The following GPC3 variants were observed in gnomAD, a reference collection of about 807,000 sequenced individuals.
GPC3 encodes glypican-3.
A neutral mutation model predicts 34.4 loss-of-function variants in GPC3; 3 were observed. The observed-to-expected ratio is 0.09, with a 90% confidence interval of 0.04 to 0.23. The LOEUF is 0.23. Ranked by LOEUF, GPC3 falls within the 10% of genes least tolerant of loss-of-function variation. GPC3 has a pLI of 1.00. For missense variants in GPC3, 351 were observed against 445.6 expected, an observed-to-expected ratio of 0.79 and a Z score of 1.91; for synonymous variants, 177 against 174.0, an observed-to-expected ratio of 1.02 and a Z score of -0.13.
intron 7 of GPC3, among the ~76,000 whole-genome samples, chrX:133,543,816 A>G (rs111901717): frequency 8.9e-6 from 1 of 112,284 alleles, no homozygotes; most frequent in African/African-American, 3.2e-5. Context: ...TATTAGTTGC[A>G]AGCTCACTGA....
intron 3 of GPC3, among the ~76,000 whole-genome samples, chrX:133,728,256 T>C (rs921228857): frequency 2.7e-5 from 3 of 111,780 alleles, no homozygotes; most frequent in Non-Finnish European, 3.8e-5. Context: ...GATTGGCCTC[T>C]GGAGACAAAA....
chrX:133,791,857 C>G lies in GPC3; in HGVS notation c.338-37681G>C, dbSNP rs2072166880. 2.0e-5 allele frequency among the ~76,000 whole-genome samples: 2 copies of G among 99,656 alleles called. 1 individual carries two copies. Among genetic ancestry groups the G allele is most frequent in the East Asian group, 6.2e-4 (2 of 3,218 alleles). The allele number at this position is 99,656 out of a possible 115,157, so 86.5% of individuals were successfully genotyped here. On this transcript the variant is annotated intron_variant, in intron 2 of 7. Transcript: ENST00000370818. ...CCTTCCTTCCTTCCTTCCTCCCTCC[C>G]TCCCTCTCTCTCTTTCTTTTCTTTC...
At chrX:133,559,570 AG>A (rs766698948) in intron 7 of GPC3, among the ~76,000 whole-genome samples, 41 of 111,287 alleles carry the variant, frequency 3.7e-4, no homozygotes, top group African/African-American at 1.3e-3. Context: ...GATTCTGAGC[AG>A]GGGCAGAGCC....
intron 1 of GPC3, among the ~76,000 whole-genome samples, chrX:133,975,136 T>C (rs950933382): frequency 1.8e-5 from 2 of 110,909 alleles, no homozygotes; most frequent in Admixed American, 9.6e-5. Context: ...TAGCTTTTAT[T>C]CTCCTATTTA....
At chrX:133,912,511 G>GT (rs34078487) in intron 2 of GPC3, among the ~76,000 whole-genome samples, 2,872 of 96,414 alleles carry the variant, frequency 0.03, 98 homozygotes, top group African/African-American at 0.091. Flanking sequence ...AAGGAATTGG[G>GT]TTTTTTTTTT....
chrX:133,788,109 T>TATATATAC lies in GPC3; in HGVS notation c.338-33934_338-33933insGTATATAT, dbSNP rs1556306696. The stretch of plus-strand genomic sequence containing the variant: ...TATTTTATATATATATATATATATA[T>TATATATAC]ATATATATATATATGTATGTATATA... On this transcript the variant is annotated intron_variant, in intron 2 of 7. Transcript: ENST00000370818. Among the ~76,000 whole-genome samples the TATATATAC allele has an allele frequency of 6.7e-5, 6 of 89,625 alleles. No individual in the cohort carries two copies. The East Asian group carries it at 2.1e-3, about 32-fold the overall frequency. The allele number at this position is 89,625 out of a possible 115,157, so 77.8% of individuals were successfully genotyped here.
Position 133,536,051 on chromosome X carries a change from A to G in GPC3, c.*73T>C. The G allele has an allele frequency of 2.4e-6, 2 of 828,322 alleles. No homozygotes were observed. The highest frequency in any genetic ancestry group is 3.5e-6 in the Non-Finnish European group (2 of 565,986). 68.3% of individuals were successfully genotyped at this position (828,322 alleles called of 1,213,427 possible). A position where few individuals can be genotyped will look rare whatever the true frequency, so the allele number is the denominator to read the frequency against. On this transcript the variant is annotated 3_prime_UTR_variant, in exon 8 of 8. Coordinates refer to ENST00000370818, the MANE Select transcript of GPC3 (RefSeq NM_004484.4). The stretch of plus-strand genomic sequence containing the variant: ...CAAAAAAAAAAAAATAGAAAAAAAT[A>G]AGAAAGTGGTTCCCTTTATCGAGGA...
chrX:133,842,584 A>G (rs2075830697), intron 2 of GPC3, among the ~76,000 whole-genome samples: 1 of 109,856 alleles, frequency 9.1e-6, no homozygotes, highest in African/African-American at 3.3e-5. Context: ...TGCAGACTGA[A>G]GAAAGAGTTC....
chrX:133,931,388 G>A (rs1257279019), intron 2 of GPC3, among the ~76,000 whole-genome samples: 2 of 110,836 alleles, frequency 1.8e-5, no homozygotes, highest in African/African-American at 6.6e-5. Context: ...CTTGAGGCAG[G>A]GAGGCTGGTT....
chrX:133,812,722 T>C (rs1275811064), intron 2 of GPC3, among the ~76,000 whole-genome samples: 1 of 112,207 alleles, frequency 8.9e-6, no homozygotes, highest in East Asian at 2.8e-4. Context: ...GGAACCCAAA[T>C]AGAAAAGAGC....
chrX:133,941,362 A>T (rs1032027486), intron 2 of GPC3, among the ~76,000 whole-genome samples: 4 of 112,710 alleles, frequency 3.5e-5, no homozygotes, highest in African/African-American at 1.3e-4. Flanking sequence ...GCATTTCTAG[A>T]CCAAAATTAC....
chrX:133,929,762 A>T (rs191217379), intron 2 of GPC3, among the ~76,000 whole-genome samples: 1 of 112,371 alleles, frequency 8.9e-6, no homozygotes, highest in East Asian at 2.8e-4. Flanking sequence ...CTTCTGATGG[A>T]GAAAACATGG....
intron 2 of GPC3, among the ~76,000 whole-genome samples, chrX:133,947,144 G>A (rs2076372406): frequency 9.0e-6 from 1 of 111,550 alleles, no homozygotes; most frequent in South Asian, 3.8e-4. Context: ...GAGGTGGAGA[G>A]TAAGCACTCT....
At chrX:133,770,856 T>C (rs1222138103) in intron 2 of GPC3, among the ~76,000 whole-genome samples, 3 of 112,109 alleles carry the variant, frequency 2.7e-5, no homozygotes, top group African/African-American at 9.7e-5. Context: ...TTCTTCTATT[T>C]TCTTCTAGGA....
chrX:133,570,358 T>C (rs887554824), intron 7 of GPC3, among the ~76,000 whole-genome samples: 1 of 110,849 alleles, frequency 9.0e-6, no homozygotes, highest in Admixed American at 9.5e-5. Context: ...TGTGCCACCA[T>C]GCCCGCCTAA....
At chrX:133,815,456 T>C (rs2075686255) in intron 2 of GPC3, among the ~76,000 whole-genome samples, 1 of 109,799 alleles carries the variant, frequency 9.1e-6, no homozygotes, top group Non-Finnish European at 1.9e-5. Context: ...AAAAGATCCC[T>C]AGAAGGAGTC....
chrX:133,822,963 T>C (rs1442561230), intron 2 of GPC3, among the ~76,000 whole-genome samples: 1 of 107,191 alleles, frequency 9.3e-6, no homozygotes, highest in Non-Finnish European at 1.9e-5. Context: ...ACCCGGTCTC[T>C]ACTAAAAATA....
chrX:133,538,616 A>G (rs76607270), intron 7 of GPC3, among the ~76,000 whole-genome samples: 3 of 101,610 alleles, frequency 3.0e-5, no homozygotes, highest in Non-Finnish European at 5.9e-5. Flanking sequence ...AGTTGTGTCT[A>G]ATTTTTTTTT....
At position 133,590,824 on chromosome X, in the gene GPC3, T is replaced by G. The variant is rs763910867; in HGVS notation, c.1573+5616A>C. Among the ~76,000 whole-genome samples the G allele has an allele frequency of 2.7e-5, 3 of 111,508 alleles. No individual in the cohort carries two copies. The East Asian group carries it at 8.5e-4, about 32-fold the overall frequency. ...AGAACCTGCAAGGTCAGATGAAAACTTACAAGAAGATGTCCTCAAAAGACT... is the reference window on the plus strand; with the variant it reads ...AGAACCTGCAAGGTCAGATGAAAACGTACAAGAAGATGTCCTCAAAAGACT... On this transcript the variant is annotated intron_variant, in intron 7 of 7. Transcript: ENST00000370818.
Sources: gnomAD v4.1 joint callset for allele counts (sites outside exome capture counted in the v4.1 genomes callset) on GRCh38, gnomAD v4.1.1 for gene constraint, MANE v1.5 for transcripts, NCBI Gene and HGNC (gene_info 2026-07-23, HGNC 2026-07-21) for gene names.